BBS2: variants seen among roughly 807,000 people sequenced by gnomAD.
BBS2 encodes the protein Bardet-Biedl syndrome 2.
In BBS2, 62 loss-of-function variants were observed where a neutral mutation model predicts 83.0. The observed-to-expected ratio is 0.75, with a 90% CI of 0.61 to 0.92. The LOEUF (loss-of-function observed/expected upper bound fraction) is 0.92, where lower values mean the gene tolerates loss of function less well. Among genes scored for constraint, BBS2 ranks in the 40% least tolerant of loss-of-function variants. The pLI is 0.00. For missense variants in BBS2, 784 were observed against 901.0 expected, an observed-to-expected ratio of 0.87 and a Z score of 1.66; for synonymous variants, 303 against 326.1, an observed-to-expected ratio of 0.93 and a Z score of 0.76.
At chr16:56,480,571 A>G (rs144641886), downstream of BBS2, among the ~76,000 whole-genome samples, 1,080 of 152,124 alleles carry the variant, frequency 7.1e-3, 13 homozygotes, top group African/African-American at 0.025. Context: ...TTGTATTTTT[A>G]GTAGAGATGG....
intron 17 of BBS2, among the ~76,000 whole-genome samples, chr16:56,474,194 TAAC>T (rs1347419808): frequency 6.6e-6 from 1 of 152,150 alleles, no homozygotes; most frequent in African/African-American, 2.4e-5. Flanking sequence ...CTTTAGGTAA[TAAC>T]ATGCTGAGAA....
chr16:56,473,037 T>C (rs748829486), intron 17 of BBS2, among the ~76,000 whole-genome samples: 7 of 152,168 alleles, frequency 4.6e-5, no homozygotes, highest in Non-Finnish European at 1.0e-4. Context: ...TTCAAGCGAT[T>C]CTCCTGCCTC....
In BBS2 at chr16:56,505,255, T is replaced by A. The variant is rs568917589; in HGVS notation, c.804+695A>T. Among the ~76,000 whole-genome samples the A allele has an allele frequency of 5.3e-5, 8 of 152,322 alleles. No homozygotes were observed. In the East Asian group the frequency reaches 1.5e-3, roughly 29 times the overall value. On this transcript the variant is annotated intron_variant, in intron 7 of 16. Coordinates refer to ENST00000245157, the MANE Select transcript of BBS2 (RefSeq NM_031885.5). ...AAGCAGAAACCAACATAACAGCTTT[T>A]TAGAATCCGTTCTTCACGTAACACC...
intron 15 of BBS2, among the ~76,000 whole-genome samples, chr16:56,489,414 A>G (rs1017830556): frequency 6.6e-6 from 1 of 152,056 alleles, no homozygotes; most frequent in Admixed American, 6.5e-5. Context: ...TAGTACAGAA[A>G]ATCCAGAAAT....
chr16:56,511,310 T>A (rs752477438), intron 2 of BBS2, 26 bp from the exon 3 acceptor site: 1 of 1,612,942 alleles, frequency 6.2e-7, no homozygotes, highest in Non-Finnish European at 8.5e-7. Context: ...GGACACATTA[T>A]CTTAGACACG....
chr16:56,482,537 G>A (rs1199281788), downstream of BBS2, among the ~76,000 whole-genome samples: 2 of 151,942 alleles, frequency 1.3e-5, no homozygotes, highest in African/African-American at 4.8e-5. Flanking sequence ...GAGTTTATAG[G>A]TTGAAAATGA....
intron 13 of BBS2, 148 bp downstream of exon 13, chr16:56,498,289 A>C (rs1288066080): frequency 1.9e-6 from 2 of 1,053,696 alleles, no homozygotes; most frequent in African/African-American, 3.2e-5. Flanking sequence ...ACGTGGTTTT[A>C]TGACCTTGAC....
chr16:56,512,409 T>A (rs1175152218), intron 2 of BBS2, among the ~76,000 whole-genome samples: 2 of 152,104 alleles, frequency 1.3e-5, no homozygotes, highest in Non-Finnish European at 2.9e-5. Flanking sequence ...TAAAAACAAG[T>A]CTTAAACAAA....
chr16:56,491,170 AT>A (rs1206392234), intron 15 of BBS2, among the ~76,000 whole-genome samples: 1 of 152,138 alleles, frequency 6.6e-6, no homozygotes, highest in Non-Finnish European at 1.5e-5. Flanking sequence ...TATACCCACT[AT>A]GGTTTGGATG....
chr16:56,519,872 G>A lies in BBS2; in HGVS notation c.-10C>T, dbSNP rs772087812. ...ACACAGGCAGCAGCATGATGGCGGC[G>A]GCTTAGGGGAGGAGGGCTGGAAGCT... On this transcript the variant is annotated 5_prime_UTR_variant, in exon 1 of 17. Coordinates refer to ENST00000245157, the MANE Select transcript of BBS2 (RefSeq NM_031885.5). 4 of 1,608,694 alleles carry A rather than the reference G, an allele frequency of 2.5e-6. No homozygotes were observed. The highest frequency in any genetic ancestry group is 3.4e-6 in the Non-Finnish European group (4 of 1,175,366).
In BBS2 at chr16:56,484,457, G is replaced by GA. The variant is rs1282468659; in HGVS notation, c.*303dup. Reference sequence around the variant, plus strand: ...AGTACAAACTCAATTGCAATTTCAAGAAAAAAATATGTATTTATATACCAT... The same window carrying GA: ...AGTACAAACTCAATTGCAATTTCAAGAAAAAAAATATGTATTTATATACCAT... On this transcript the variant is annotated 3_prime_UTR_variant, in exon 17 of 17. Transcript: ENST00000245157. 2 of 214,212 alleles carry GA rather than the reference G, an allele frequency of 9.3e-6. No homozygotes were observed. The highest frequency in any genetic ancestry group is 4.6e-5 in the African/African-American group (2 of 43,782). The allele number at this position is 214,212 out of a possible 1,614,324, so 13.3% of individuals were successfully genotyped here. A position where few individuals can be genotyped will look rare whatever the true frequency, so the allele number is the denominator to read the frequency against.
At chr16:56,498,650 T>G in intron 12 of BBS2, 82 bp from the exon 13 acceptor site, 1 of 1,604,408 alleles carries the variant, frequency 6.2e-7, no homozygotes, top group Non-Finnish European at 8.5e-7. Context: ...GATATGAAGG[T>G]ACAGCCATTC....
At chr16:56,481,238 TATTAAGGACAGACA>T (rs1567562105), downstream of BBS2, among the ~76,000 whole-genome samples, 2 of 151,978 alleles carry the variant, frequency 1.3e-5, no homozygotes, top group Non-Finnish European at 2.9e-5. Flanking sequence ...CTGACAGGCG[TATTAAGGACAGACA>T]ATCCCAAGCA....
chr16:56,495,992 T>C (rs1043141158), intron 15 of BBS2, among the ~76,000 whole-genome samples: 3 of 152,260 alleles, frequency 2.0e-5, no homozygotes, highest in Non-Finnish European at 2.9e-5. Flanking sequence ...GAAATCATTA[T>C]ATTTAAGTAC....
At chr16:56,473,034 G>A (rs950117541) in intron 17 of BBS2, among the ~76,000 whole-genome samples, 2 of 152,150 alleles carry the variant, frequency 1.3e-5, no homozygotes, top group Non-Finnish European at 2.9e-5. Context: ...GGGTTCAAGC[G>A]ATTCTCCTGC....
intron 7 of BBS2, among the ~76,000 whole-genome samples, chr16:56,505,468 G>A (rs1025116064): frequency 6.6e-6 from 1 of 152,116 alleles, no homozygotes; most frequent in Non-Finnish European, 1.5e-5. Flanking sequence ...CCAAAAGACT[G>A]TAAAAAATTC....
intron 11 of BBS2, chr16:56,500,231 G>A: frequency 3.1e-6 from 1 of 319,220 alleles, no homozygotes; most frequent in Non-Finnish European, 6.0e-6. Context: ...GTAATATAAA[G>A]GTGCATCCTA....
Position 56,514,588 on chromosome 16 carries a change from G to A in BBS2, c.210C>T (p.Ser70=), listed in dbSNP as rs1964680291. The change falls in exon 2 of 17, where the codon AGC becomes AGT. Residue 70 remains serine (S), a synonymous_variant. Coordinates refer to ENST00000245157, the MANE Select transcript of BBS2 (RefSeq NM_031885.5). ...SPLESDVSLL[S]INQAVSCLTA... is the part of the protein sequence containing the mutation. ...TCAGACAGCTGACTGCCTGGTTAATGCTGAGAAGAGAAACATCAGATTCCA... is the reference window on the plus strand; with the variant it reads ...TCAGACAGCTGACTGCCTGGTTAATACTGAGAAGAGAAACATCAGATTCCA... 6.2e-7 allele frequency: 1 copy of A among 1,614,150 alleles called. No homozygotes were observed. The highest frequency in any genetic ancestry group is 8.5e-7 in the Non-Finnish European group (1 of 1,179,994).
intron 17 of BBS2, among the ~76,000 whole-genome samples, chr16:56,474,195 A>C (rs1032191366): frequency 1.3e-5 from 2 of 152,166 alleles, no homozygotes; most frequent in Non-Finnish European, 2.9e-5. Context: ...TTTAGGTAAT[A>C]ACATGCTGAG....
Sources: allele counts gnomAD v4.1 joint callset (sites outside exome capture counted in the v4.1 genomes callset), GRCh38; gene constraint gnomAD v4.1.1; transcripts MANE v1.5; gene names NCBI Gene and HGNC (gene_info 2026-07-23, HGNC 2026-07-21).